The following TMPRSS5 variants were observed in gnomAD, a reference collection of about 807,000 sequenced individuals.
The protein encoded by TMPRSS5 is transmembrane protease serine 5.
In TMPRSS5, 45 loss-of-function variants were observed where a neutral mutation model predicts 59.7. The observed-to-expected ratio is 0.75, with a 90% CI of 0.59 to 0.97. The LOEUF is 0.97. TMPRSS5 is among the 50% of genes least tolerant of loss of function. The probability of loss-of-function intolerance (pLI) is 0.00; values close to 1 mark genes in which losing one functional copy is unlikely to be tolerated. For missense variants in TMPRSS5, 585 were observed against 596.7 expected, an observed-to-expected ratio of 0.98 and a Z score of 0.20; for synonymous variants, 225 against 232.0, an observed-to-expected ratio of 0.97 and a Z score of 0.27.
At chr11:113,693,004 T>TG in intron 9 of TMPRSS5, 67 bp downstream of exon 9, 5 of 1,255,758 alleles carry the variant, frequency 4.0e-6, no homozygotes, top group Non-Finnish European at 5.7e-6. Flanking sequence ...CTCACCACTC[T>TG]CCCACCCAGC....
intron 1 of TMPRSS5, among the ~76,000 whole-genome samples, chr11:113,704,282 AT>A (rs1200608837): frequency 6.6e-6 from 1 of 152,228 alleles, no homozygotes; most frequent in Admixed American, 6.5e-5. Flanking sequence ...ATCTCTTCAA[AT>A]TTCAATTTTC....
rs373308744 is a variant in TMPRSS5, at chr11:113,697,441, A to G, written c.329-23T>C. 380 of 1,611,814 alleles carry G rather than the reference A, an allele frequency of 2.4e-4. 1 individual carries two copies. The highest frequency in any genetic ancestry group is 3.1e-4 in the Non-Finnish European group (371 of 1,178,714). On this transcript the variant is annotated intron_variant, in intron 4 of 12. Coordinates refer to ENST00000299882, the MANE Select transcript of TMPRSS5 (RefSeq NM_030770.4). Reference sequence around the variant, plus strand: ...ATACTGAAATCACAGCATGAAAACCACATGGGAGAGGATGGTGGTGGTAGG... The same window carrying G: ...ATACTGAAATCACAGCATGAAAACCGCATGGGAGAGGATGGTGGTGGTAGG...
At chr11:113,695,838 C>A (rs1159337484) in intron 6 of TMPRSS5, among the ~76,000 whole-genome samples, 1 of 152,130 alleles carries the variant, frequency 6.6e-6, no homozygotes, top group Admixed American at 6.5e-5. Flanking sequence ...GGTTCTTCAC[C>A]CCATGCTCCT....
At position 113,698,941 on chromosome 11, in the gene TMPRSS5, C is replaced by A. The variant is rs373191530; in HGVS notation, c.292G>T (p.Ala98Ser). The change falls in exon 4 of 13, where the codon GCT becomes TCT. Residue 98 changes from alanine (A) to serine (S), a missense_variant. By Grantham distance (99) the Ala-to-Ser change is moderately conservative. Coordinates refer to ENST00000299882, the MANE Select transcript of TMPRSS5 (RefSeq NM_030770.4). The stretch of plus-strand genomic sequence containing the variant: ...AGTGCAGGGAGCAGAGCTTCCTCAG[C>A]GCTGGCCTCTGAGCAGCTCAAAGTT... ...EITLSCSEAS[A>S]EEALLPALPK... is the part of the protein sequence containing the mutation. 9 of 1,596,060 alleles carry A rather than the reference C, an allele frequency of 5.6e-6. No individual in the cohort carries two copies. The highest frequency in any genetic ancestry group is 6.0e-6 in the Non-Finnish European group (7 of 1,171,386).
chr11:113,700,173 G>A lies in TMPRSS5; in HGVS notation c.4-5C>T, dbSNP rs1953091642. 4 of 1,549,508 alleles carry A rather than the reference G, an allele frequency of 2.6e-6. No individual in the cohort carries two copies. The highest frequency in any genetic ancestry group is 3.5e-6 in the Non-Finnish European group (4 of 1,145,282). On this transcript the variant is annotated splice_region_variant and splice_polypyrimidine_tract_variant and intron_variant, in intron 1 of 12. Coordinates refer to ENST00000299882, the MANE Select transcript of TMPRSS5 (RefSeq NM_030770.4). ...TTGGTCATCCAGCATCAGGCTCTGG[G>A]GAAATAAGGGCCAGACACCCAGGAT...
intron 4 of TMPRSS5, 46 bp downstream of exon 4, chr11:113,698,859 G>A (rs1474666831): frequency 1.9e-6 from 3 of 1,560,358 alleles, no homozygotes; most frequent in Non-Finnish European, 2.6e-6. Context: ...GCTGTGACAG[G>A]TCCCTGCTGG....
At position 113,699,260 on chromosome 11, in the gene TMPRSS5, T is replaced by TCCCCCCCC. The variant is rs1206647353; in HGVS notation, c.206-234_206-233insGGGGGGGG. ...CTCTCTCTCTCTCTCTCTCTCTCTC[T>TCCCCCCCC]CTCTCTCTCTCCCTCTCTCTCTCTC... On this transcript the variant is annotated intron_variant, in intron 3 of 12. Transcript: ENST00000299882. 5.8e-4 allele frequency among the ~76,000 whole-genome samples: 21 copies of TCCCCCCCC among 35,956 alleles called. 2 individuals carry two copies. Among genetic ancestry groups the TCCCCCCCC allele is most frequent in the East Asian group, 2.2e-3 (3 of 1,382 alleles). 23.6% of individuals were successfully genotyped at this position (35,956 alleles called of 152,430 possible). A position where few individuals can be genotyped will look rare whatever the true frequency, so the allele number is the denominator to read the frequency against.
chr11:113,699,467 C>T, intron 3 of TMPRSS5, 128 bp downstream of exon 3: 1 of 755,788 alleles, frequency 1.3e-6, no homozygotes, highest in South Asian at 1.9e-5. Context: ...TGCAATTTCA[C>T]CCTTTCTCCC....
intron 6 of TMPRSS5, among the ~76,000 whole-genome samples, chr11:113,696,123 G>T (rs1952921312): frequency 6.6e-6 from 1 of 152,050 alleles, no homozygotes; most frequent in Non-Finnish European, 1.5e-5. Context: ...TCCAAGACAA[G>T]AACCCTGTCA....
intron 4 of TMPRSS5, among the ~76,000 whole-genome samples, chr11:113,697,728 T>C (rs1952970311): frequency 1.3e-5 from 2 of 152,180 alleles, no homozygotes; most frequent in African/African-American, 4.8e-5. Flanking sequence ...AACTAAGGCA[T>C]GGAGTTTAAG....
chr11:113,704,680 C>T (rs908133515), intron 1 of TMPRSS5, among the ~76,000 whole-genome samples: 1 of 152,100 alleles, frequency 6.6e-6, no homozygotes, highest in Non-Finnish European at 1.5e-5. Context: ...TCCAACTGAC[C>T]CTTCGAGACT....
chr11:113,690,135 G>T, intron 11 of TMPRSS5, 96 bp downstream of exon 11: 1 of 1,459,910 alleles, frequency 6.8e-7, no homozygotes, highest in Non-Finnish European at 9.1e-7. Flanking sequence ...CCACTGACAA[G>T]CTCAGACCAG....
intron 7 of TMPRSS5, 109 bp downstream of exon 7, chr11:113,695,291 C>A: frequency 8.1e-7 from 1 of 1,240,298 alleles, no homozygotes; most frequent in African/African-American, 1.5e-5. Flanking sequence ...TGGGCAAGAC[C>A]CCTACCCCAG....
At chr11:113,698,823 C>T in intron 4 of TMPRSS5, 82 bp downstream of exon 4, 5 of 1,503,146 alleles carry the variant, frequency 3.3e-6, no homozygotes, top group Non-Finnish European at 4.5e-6. Flanking sequence ...ACAGATGGCC[C>T]TTCAGTGTCG....
chr11:113,688,837 A>T (rs554969158), intron 12 of TMPRSS5, among the ~76,000 whole-genome samples: 58 of 152,174 alleles, frequency 3.8e-4, no homozygotes, highest in Non-Finnish European at 7.5e-4. Flanking sequence ...CTAGGATTAC[A>T]GGCGTGAGCC....
At chr11:113,699,274 T>TCC (rs1953046925) in intron 3 of TMPRSS5, among the ~76,000 whole-genome samples, 4 of 80,214 alleles carry the variant, frequency 5.0e-5, no homozygotes, top group African/African-American at 1.3e-4. Flanking sequence ...TCTCTCTCCC[T>TCC]CTCTCTCTCT....
At position 113,690,483 on chromosome 11, in the gene TMPRSS5, C is replaced by T. The variant is rs1033018922; in HGVS notation, c.1064-110G>A. On this transcript the variant is annotated intron_variant, in intron 10 of 12. Transcript: ENST00000299882. ...CCAGAGACAGGGAGACCCAAAGAGGCGAGCCCAGGGTGGGAGCTGTGGACG... is the reference window on the plus strand; with the variant it reads ...CCAGAGACAGGGAGACCCAAAGAGGTGAGCCCAGGGTGGGAGCTGTGGACG... The T allele has an allele frequency of 1.3e-5, 19 of 1,464,930 alleles. No individual in the cohort carries two copies. The East Asian group carries it at 1.7e-4, about 13-fold the overall frequency. The allele number at this position is 1,464,930 out of a possible 1,614,324, so 90.7% of individuals were successfully genotyped here.
At chr11:113,698,548 C>T (rs1263343462) in intron 4 of TMPRSS5, among the ~76,000 whole-genome samples, 3 of 152,076 alleles carry the variant, frequency 2.0e-5, no homozygotes, top group Non-Finnish European at 4.4e-5. Flanking sequence ...GGCTGATGTT[C>T]CCAGGTCCCT....
At chr11:113,702,878 C>T (rs899930167) in intron 1 of TMPRSS5, among the ~76,000 whole-genome samples, 2 of 152,194 alleles carry the variant, frequency 1.3e-5, no homozygotes, top group Non-Finnish European at 2.9e-5. Flanking sequence ...AAAACCTCCA[C>T]CTAGATTTCA....
Sources: allele counts gnomAD v4.1 joint callset (sites outside exome capture counted in the v4.1 genomes callset), GRCh38; gene constraint gnomAD v4.1.1; transcripts MANE v1.5; gene names NCBI Gene and HGNC (gene_info 2026-07-23, HGNC 2026-07-21).